Variants in APOE observed in about 807,000 individuals in gnomAD.
APOE encodes apolipoprotein E, also known as apolipoprotein E3.
In APOE, 10 loss-of-function variants were observed where a neutral mutation model predicts 13.1. The observed-to-expected ratio is 0.76, with a 90% CI of 0.47 to 1.29. The LOEUF (loss-of-function observed/expected upper bound fraction) is 1.29. Ranked by LOEUF, APOE falls within the 50% of genes most tolerant of loss-of-function variation. The probability of loss-of-function intolerance (pLI) is 0.00; values close to 1 mark genes in which losing one functional copy is unlikely to be tolerated. For synonymous variants in APOE, 211 were observed against 207.1 expected (o/e 1.02, Z -0.16); for missense variants, 471 against 459.6 (o/e 1.02, Z -0.23).
intron 3 of APOE, among the ~76,000 whole-genome samples, chr19:44,908,175 T>C (rs1466540139): frequency 6.6e-6 from 1 of 152,182 alleles, no homozygotes; most frequent in Non-Finnish European, 1.5e-5. Context: ...ACACTCGTCC[T>C]GGCTCTGTCT....
chr19:44,909,068 C>G lies in APOE; in HGVS notation c.772C>G (p.Arg258Gly). The change falls in exon 4 of 4, where the codon CGC becomes GGC. Residue 258 changes from arginine (R) to glycine (G), a missense_variant. By Grantham distance (125) the Arg-to-Gly change is moderately radical. Coordinates refer to ENST00000252486, the MANE Select transcript of APOE (RefSeq NM_000041.4). Reference sequence around the variant, plus strand: ...GGTGAAGGAGCAGGTGGCGGAGGTGCGCGCCAAGCTGGAGGAGCAGGCCCA... The same window carrying G: ...GGTGAAGGAGCAGGTGGCGGAGGTGGGCGCCAAGCTGGAGGAGCAGGCCCA... ...DEVKEQVAEV[R>G]AKLEEQAQQI... The G allele has an allele frequency of 1.3e-6, 2 of 1,568,568 alleles. No individual in the cohort carries two copies. The highest frequency in any genetic ancestry group is 1.3e-5 in the African/African-American group (1 of 74,194).
intron 3 of APOE, 145 bp downstream of exon 3, chr19:44,908,097 G>A: frequency 2.6e-6 from 2 of 783,850 alleles, no homozygotes; most frequent in Non-Finnish European, 4.4e-6. Flanking sequence ...TCTGACTCCT[G>A]GCTTTAGCTC....
At chr19:44,906,997 C>G (rs577942151) in intron 2 of APOE, 1 of 361,618 alleles carries the variant, frequency 2.8e-6, no homozygotes, top group Non-Finnish European at 5.2e-6. Flanking sequence ...TCTCCTGCCT[C>G]AGCCTCCCAA....
intron 2 of APOE, 192 bp downstream of exon 2, chr19:44,906,859 G>T: frequency 1.6e-6 from 1 of 611,780 alleles, no homozygotes; most frequent in South Asian, 1.9e-5. Flanking sequence ...GTTAGAAGTT[G>T]TTTTGTTGTT....
chr19:44,908,618 C>T lies in APOE; in HGVS notation c.322C>T (p.Arg108Trp), dbSNP rs1050106163. 1 of 1,609,392 alleles carries T rather than the reference C, an allele frequency of 6.2e-7. No homozygotes were observed. Among genetic ancestry groups the T allele is most frequent in the Non-Finnish European group, 8.5e-7 (1 of 1,177,842 alleles). ...ACTGACCCCGGTGGCGGAGGAGACG[C>T]GGGCACGGCTGTCCAAGGAGCTGCA... The part of the protein sequence containing the change: ...EQLTPVAEET[R>W]ARLSKELQAA... Residue 108 changes from arginine (R) to tryptophan (W), a missense_variant, in exon 4 of 4, where the codon CGG becomes TGG. Transcript: ENST00000252486.
Position 44,909,120 on chromosome 19 carries a change from T to A in APOE, c.824T>A (p.Phe275Tyr). 6.3e-7 allele frequency: 1 copy of A among 1,593,714 alleles called. No individual in the cohort carries two copies. Among genetic ancestry groups the A allele is most frequent in the Non-Finnish European group, 8.5e-7 (1 of 1,175,424 alleles). ...AQQIRLQAEA[F>Y]QARLKSWFEP... ...CAGATACGCCTGCAGGCCGAGGCCT[T>A]CCAGGCCCGCCTCAAGAGCTGGTTC... is the stretch of plus-strand genomic sequence containing the variant. The change falls in exon 4 of 4, where the codon TTC (phenylalanine) becomes TAC (tyrosine). Residue 275 changes from phenylalanine (F) to tyrosine (Y), a missense_variant. Transcript: ENST00000252486.
Position 44,906,656 on chromosome 19 carries a change from C to T in APOE, c.32C>T (p.Thr11Ile). 1 of 1,614,060 alleles carries T rather than the reference C, an allele frequency of 6.2e-7. No individual in the cohort carries two copies. The highest frequency in any genetic ancestry group is 8.5e-7 in the Non-Finnish European group (1 of 1,179,992). Residue 11 changes from threonine (T) to isoleucine (I), a missense_variant, in exon 2 of 4, where the codon ACA becomes ATA. Physicochemically the swap from Thr to Ile is moderately conservative, Grantham distance 89. Transcript: ENST00000252486. MKVLWAALLV[T>I]FLAGCQAKVE... The stretch of plus-strand genomic sequence containing the variant: ...GTTCTGTGGGCTGCGTTGCTGGTCA[C>T]ATTCCTGGCAGGTATGGGGGCGGGG...
Position 44,907,064 on chromosome 19 carries a change from G to A in APOE, c.43+397G>A. On this transcript the variant is annotated intron_variant, in intron 2 of 3. Coordinates refer to ENST00000252486, the MANE Select transcript of APOE (RefSeq NM_000041.4). This position sits in a 1 kb window ranked among gnomAD's most constrained non-coding sequence, Gnocchi z 4.1. ...CCCGACTAACTTTTTTGTATTTTCAGTAGAGACGGGGTTTCACCATGTTGG... is the reference window on the plus strand; with the variant it reads ...CCCGACTAACTTTTTTGTATTTTCAATAGAGACGGGGTTTCACCATGTTGG... 8.0e-6 allele frequency: 2 copies of A among 250,702 alleles called. No homozygotes were observed. Among genetic ancestry groups the A allele is most frequent in the South Asian group, 9.6e-5 (2 of 20,878 alleles). 15.5% of individuals were successfully genotyped at this position (250,702 alleles called of 1,614,324 possible).
intron 1 of APOE, 81 bp downstream of exon 1, chr19:44,905,922 A>G (rs1234469292): frequency 7.7e-7 from 1 of 1,295,886 alleles, no homozygotes; most frequent in Admixed American, 2.4e-5. Context: ...CCTGGCCTCC[A>G]GGTAGTCTCA....
In APOE at chr19:44,907,418, G is replaced by C. The variant is rs1364177332; in HGVS notation, c.44-342G>C. 2.8e-6 allele frequency: 1 copy of C among 351,886 alleles called. No homozygotes were observed. Among genetic ancestry groups the C allele is most frequent in the Non-Finnish European group, 5.5e-6 (1 of 180,216 alleles). The allele number at this position is 351,886 out of a possible 1,614,324, so 21.8% of individuals were successfully genotyped here. On this transcript the variant is annotated intron_variant, in intron 2 of 3. Coordinates refer to ENST00000252486, the MANE Select transcript of APOE (RefSeq NM_000041.4). The surrounding 1 kb of genome is among the most constrained non-coding windows in gnomAD (Gnocchi z 4.1). ...TCAACACCAGCCTGGGCAACATAGTGAGACCCTGTCTCTACTAAAAATACA... is the reference window on the plus strand; with the variant it reads ...TCAACACCAGCCTGGGCAACATAGTCAGACCCTGTCTCTACTAAAAATACA...
Position 44,908,601 on chromosome 19 carries a change from C to G in APOE, c.305C>G (p.Pro102Arg), listed in dbSNP as rs11083750. The G allele has an allele frequency of 2.6e-5, 42 of 1,612,638 alleles. No individual in the cohort carries two copies. Among genetic ancestry groups the G allele is most frequent in the Non-Finnish European group, 3.1e-5 (36 of 1,179,282 alleles). Residue 102 changes from proline (P) to arginine (R), a missense_variant, in exon 4 of 4, where the codon CCG (proline) becomes CGG (arginine). By Grantham distance (103) the Pro-to-Arg change is moderately radical. Transcript: ENST00000252486. The part of the protein sequence containing the change: ...YKSELEEQLT[P>R]VAEETRARLS... Reference sequence around the variant, plus strand: ...TCGGAACTGGAGGAACAACTGACCCCGGTGGCGGAGGAGACGCGGGCACGG... The same window carrying G: ...TCGGAACTGGAGGAACAACTGACCCGGGTGGCGGAGGAGACGCGGGCACGG...
rs774000134 is a variant in APOE at position 44,908,535 on chromosome 19, C to A, written c.239C>A (p.Ala80Glu). ...LSSQVTQELRALMDETMKELK... is the reference protein window; with the variant it reads ...LSSQVTQELRELMDETMKELK... ...CCCTCCCGCCCTCTCGGCCGCAGGG[C>A]GCTGATGGACGAGACCATGAAGGAG... The change falls in exon 4 of 4, where the codon GCG becomes GAG. Residue 80 changes from alanine to glutamate, a missense_variant and splice_region_variant. Ala to Glu is a moderately radical substitution (Grantham distance 107). Transcript: ENST00000252486. 32 of 1,613,620 alleles carry A rather than the reference C, an allele frequency of 2.0e-5. No homozygotes were observed. The highest frequency in any genetic ancestry group is 2.7e-5 in the Non-Finnish European group (32 of 1,179,684).
Position 44,905,831 on chromosome 19 carries a change from C to G in APOE, c.-34C>G. 1 of 1,294,696 alleles carries G rather than the reference C, an allele frequency of 7.7e-7. No homozygotes were observed. The highest frequency in any genetic ancestry group is 1.0e-6 in the Non-Finnish European group (1 of 984,154). The allele number at this position is 1,294,696 out of a possible 1,614,324, so 80.2% of individuals were successfully genotyped here. A position where few individuals can be genotyped will look rare whatever the true frequency, so the allele number is the denominator to read the frequency against. On this transcript the variant is annotated 5_prime_UTR_variant, in exon 1 of 4. Transcript: ENST00000252486. ...CCAGCGGAGGTGAAGGACGTCCTTC[C>G]CCAGGAGCCGGTGAGAAGCGCAGTC... is the stretch of plus-strand genomic sequence containing the variant.
In APOE at chr19:44,908,939, T is replaced by A; in HGVS notation, c.643T>A (p.Ser215Thr). ...QGRVRAATVGSLAGQPLQERA... is the reference protein window; with the variant it reads ...QGRVRAATVGTLAGQPLQERA... ...CCGCGTGCGGGCCGCCACTGTGGGC[T>A]CCCTGGCCGGCCAGCCGCTACAGGA... Residue 215 changes from serine to threonine, a missense_variant, in exon 4 of 4, where the codon TCC becomes ACC. By Grantham distance (58) the Ser-to-Thr change is moderately conservative. Transcript: ENST00000252486. The A allele has an allele frequency of 6.6e-7, 1 of 1,507,554 alleles. No individual in the cohort carries two copies. The highest frequency in any genetic ancestry group is 2.5e-5 in the East Asian group (1 of 39,678). The allele number at this position is 1,507,554 out of a possible 1,614,324, so 93.4% of individuals were successfully genotyped here.
rs954301448 is a variant in APOE, at chr19:44,909,145, C to T, written c.849C>T (p.Phe283=). The T allele has an allele frequency of 1.4e-5, 23 of 1,601,222 alleles. No individual in the cohort carries two copies. Among genetic ancestry groups the T allele is most frequent in the African/African-American group, 2.7e-5 (2 of 74,860 alleles). Reference sequence around the variant, plus strand: ...TCCAGGCCCGCCTCAAGAGCTGGTTCGAGCCCCTGGTGGAAGACATGCAGC... The same window carrying T: ...TCCAGGCCCGCCTCAAGAGCTGGTTTGAGCCCCTGGTGGAAGACATGCAGC... The part of the protein sequence containing the change: ...EAFQARLKSW[F]EPLVEDMQRQ... The change falls in exon 4 of 4, where the codon TTC becomes TTT. Residue 283 remains phenylalanine (F), a synonymous_variant. Transcript: ENST00000252486.
rs1299844242 is a variant in APOE at position 44,908,981 on chromosome 19, G to C, written c.685G>C (p.Gly229Arg). ...QPLQERAQAW[G>R]ERLRARMEEM... ...GCTACAGGAGCGGGCCCAGGCCTGG[G>C]GCGAGCGGCTGCGCGCGCGGATGGA... Residue 229 changes from glycine (G) to arginine (R), a missense_variant, in exon 4 of 4, where the codon GGC becomes CGC. Coordinates refer to ENST00000252486, the MANE Select transcript of APOE (RefSeq NM_000041.4). 2 of 1,532,002 alleles carry C rather than the reference G, an allele frequency of 1.3e-6. No homozygotes were observed. The highest frequency in any genetic ancestry group is 1.2e-5 in the South Asian group (1 of 83,844). The allele number at this position is 1,532,002 out of a possible 1,614,324, so 94.9% of individuals were successfully genotyped here.
At chr19:44,908,511 C>T in intron 3 of APOE, 22 bp from the exon 4 acceptor site, 1 of 1,612,378 alleles carries the variant, frequency 6.2e-7, no homozygotes, top group South Asian at 1.1e-5. Flanking sequence ...TGTGCGACAC[C>T]CTCCCGCCCT....
chr19:44,908,114 A>G (rs1969844894), intron 3 of APOE, among the ~76,000 whole-genome samples, 162 bp downstream of exon 3: 1 of 151,592 alleles, frequency 6.6e-6, no homozygotes, highest in Non-Finnish European at 1.5e-5. Flanking sequence ...GCTCTCTGGA[A>G]TTCTCTCTCT....
At position 44,907,197 on chromosome 19, in the gene APOE, T is replaced by C; in HGVS notation, c.43+530T>C. The C allele has an allele frequency of 5.0e-6, 1 of 198,408 alleles. No homozygotes were observed. Among genetic ancestry groups the C allele is most frequent in the South Asian group, 9.2e-5 (1 of 10,886 alleles). The allele number at this position is 198,408 out of a possible 1,614,324, so 12.3% of individuals were successfully genotyped here. A position where few individuals can be genotyped will look rare whatever the true frequency, so the allele number is the denominator to read the frequency against. Reference sequence around the variant, plus strand: ...CGCACCTGGCTGGGAGTTAGAGGTTTCTAATGCATTGCAGGCAGATAGTGA... The same window carrying C: ...CGCACCTGGCTGGGAGTTAGAGGTTCCTAATGCATTGCAGGCAGATAGTGA... On this transcript the variant is annotated intron_variant, in intron 2 of 3. Transcript: ENST00000252486. This position sits in a 1 kb window ranked among gnomAD's most constrained non-coding sequence, Gnocchi z 4.1.
Sources: allele counts gnomAD v4.1 joint callset (sites outside exome capture counted in the v4.1 genomes callset), GRCh38; gene constraint gnomAD v4.1.1; non-coding constraint Gnocchi (gnomAD v3.1); transcripts MANE v1.5; gene names NCBI Gene and HGNC (gene_info 2026-07-23, HGNC 2026-07-21).